The following BTBD9 variants were observed in gnomAD, a reference collection of about 807,000 sequenced individuals.
BTBD9 encodes BTB domain containing 9.
Under a neutral mutation model 64.3 loss-of-function variants are expected in BTBD9, and 49 were observed. The ratio of observed to expected loss-of-function variants is 0.76; its 90% CI spans 0.61 to 0.97. The LOEUF (loss-of-function observed/expected upper bound fraction) is 0.97, where lower values mean the gene tolerates loss of function less well. Ranked by LOEUF, BTBD9 falls within the 50% of genes least tolerant of loss-of-function variation. The pLI, the probability that BTBD9 is intolerant of heterozygous loss-of-function variation, is 0.00. For missense variants in BTBD9, 598 were observed against 762.1 expected, an observed-to-expected ratio of 0.78 and a Z score of 2.53; for synonymous variants, 260 against 274.7, an observed-to-expected ratio of 0.95 and a Z score of 0.53.
At chr6:38,261,768 C>A (rs770456574) in intron 8 of BTBD9, among the ~76,000 whole-genome samples, 2 of 152,198 alleles carry the variant, frequency 1.3e-5, no homozygotes, top group Non-Finnish European at 2.9e-5. Context: ...GACATCCTCT[C>A]TCTAGTCCTC....
intron 8 of BTBD9, among the ~76,000 whole-genome samples, chr6:38,265,247 G>A (rs1025896190): frequency 1.3e-5 from 2 of 152,052 alleles, no homozygotes; most frequent in East Asian, 3.9e-4. Context: ...TGGCTCCACT[G>A]TGTAGGCTGG....
chr6:38,545,855 TAC>T (rs34465570), intron 6 of BTBD9, among the ~76,000 whole-genome samples: 9,856 of 130,426 alleles, frequency 0.076, 323 homozygotes, highest in African/African-American at 0.11. Flanking sequence ...CACACACACA[TAC>T]ACACACACAC....
chr6:38,219,927 G>A (rs1763142289), intron 9 of BTBD9, among the ~76,000 whole-genome samples: 1 of 152,302 alleles, frequency 6.6e-6, no homozygotes, highest in South Asian at 2.1e-4. Flanking sequence ...TGGTATATCA[G>A]TAATATTTCA....
chr6:38,244,067 C>T (rs1320228495), intron 9 of BTBD9, among the ~76,000 whole-genome samples: 1 of 152,122 alleles, frequency 6.6e-6, no homozygotes, highest in Non-Finnish European at 1.5e-5. Flanking sequence ...AAGATCAAAA[C>T]GACCATGCCT....
chr6:38,502,520 A>T (rs927139223), intron 6 of BTBD9, among the ~76,000 whole-genome samples: 3 of 152,214 alleles, frequency 2.0e-5, no homozygotes, highest in Admixed American at 2.0e-4. Flanking sequence ...TGCTAAGGGA[A>T]GAGGACTCTG....
In BTBD9 at chr6:38,561,453, C is replaced by T. The variant is rs144459990; in HGVS notation, c.1154+16147G>A. Among the ~76,000 whole-genome samples the T allele has an allele frequency of 4.5e-3, 689 of 151,912 alleles. 3 individuals carry two copies. Among genetic ancestry groups the T allele is most frequent in the African/African-American group, 0.016 (650 of 41,406 alleles). ...GGAATCCCTTTATTTGTTATAGACCCAAAGGAAAATAAATTGTTTTACAAA... is the reference window on the plus strand; with the variant it reads ...GGAATCCCTTTATTTGTTATAGACCTAAAGGAAAATAAATTGTTTTACAAA... On this transcript the variant is annotated intron_variant, in intron 6 of 10. Transcript: ENST00000481247.
At chr6:38,208,655 A>T (rs1314190622) in intron 9 of BTBD9, among the ~76,000 whole-genome samples, 1 of 151,956 alleles carries the variant, frequency 6.6e-6, no homozygotes. Context: ...TAAAGTGGAG[A>T]CTCAGTGTGC....
intron 6 of BTBD9, among the ~76,000 whole-genome samples, chr6:38,422,629 A>C (rs1236826035): frequency 6.6e-6 from 1 of 152,196 alleles, no homozygotes; most frequent in East Asian, 1.9e-4. Context: ...ACAGGGATCT[A>C]ACATTCTAAG....
intron 4 of BTBD9, chr6:38,587,536 G>T (rs562295363): frequency 3.5e-6 from 2 of 569,966 alleles, no homozygotes; most frequent in Admixed American, 2.2e-5. Context: ...AACAATTTTT[G>T]ATAGTTCTGA....
chr6:38,281,822 T>C (rs1327754600), intron 8 of BTBD9, among the ~76,000 whole-genome samples: 1 of 152,238 alleles, frequency 6.6e-6, no homozygotes, highest in Non-Finnish European at 1.5e-5. Flanking sequence ...TATTATTTGT[T>C]ATTTAAAATA....
chr6:38,594,350 A>G (rs767568538), intron 2 of BTBD9, 23 bp from the exon 3 acceptor site: 52 of 1,557,474 alleles, frequency 3.3e-5, no homozygotes, highest in Non-Finnish European at 4.3e-5. Context: ...GAAGAAACAC[A>G]TGAAGAAACC....
chr6:38,428,765 T>C (rs922623898), intron 6 of BTBD9, among the ~76,000 whole-genome samples: 1 of 149,670 alleles, frequency 6.7e-6, no homozygotes. Context: ...CAGGCTGGAG[T>C]GCAGTGGCGC....
chr6:38,600,801 A>G (rs1777214058), intron 1 of BTBD9, among the ~76,000 whole-genome samples: 1 of 152,210 alleles, frequency 6.6e-6, no homozygotes, highest in African/African-American at 2.4e-5. Context: ...ATAAACATTA[A>G]TATTACATAT....
intron 6 of BTBD9, among the ~76,000 whole-genome samples, chr6:38,575,331 T>A (rs1775977010): frequency 6.6e-6 from 1 of 152,118 alleles, no homozygotes; most frequent in African/African-American, 2.4e-5. Flanking sequence ...GCAAGAATAA[T>A]AAAAGATTAG....
chr6:38,410,241 C>T (rs533677827), intron 6 of BTBD9, among the ~76,000 whole-genome samples: 19 of 151,632 alleles, frequency 1.3e-4, no homozygotes, highest in African/African-American at 3.1e-4. Context: ...GAGGCTGAGG[C>T]GGGAGGATCA....
intron 6 of BTBD9, among the ~76,000 whole-genome samples, chr6:38,453,632 C>A (rs558144070): frequency 6.6e-6 from 1 of 152,038 alleles, no homozygotes; most frequent in Non-Finnish European, 1.5e-5. Flanking sequence ...AGCAACACCC[C>A]CCTGAGGACA....
chr6:38,222,473 A>C lies in BTBD9; in HGVS notation c.1563-29876T>G, dbSNP rs1582073920. Among the ~76,000 whole-genome samples, 6 of 151,882 alleles carry C rather than the reference A, an allele frequency of 4.0e-5. No individual in the cohort carries two copies. In the South Asian group the frequency reaches 1.3e-3, roughly 32 times the overall value. On this transcript the variant is annotated intron_variant, in intron 9 of 10. Coordinates refer to ENST00000481247, the MANE Select transcript of BTBD9 (RefSeq NM_001099272.2). ...ACGGGGTTTCACCGTGTTAGCCAGG[A>C]TGGTCTCGATCTCCTGACCTCGTGA...
intron 5 of BTBD9, among the ~76,000 whole-genome samples, chr6:38,579,623 C>T (rs576733260): frequency 1.3e-5 from 2 of 152,118 alleles, no homozygotes; most frequent in African/African-American, 2.4e-5. Context: ...TACTTATCTA[C>T]ACACTAAAAG....
At chr6:38,534,361 A>G (rs1582591560) in intron 6 of BTBD9, among the ~76,000 whole-genome samples, 2 of 151,978 alleles carry the variant, frequency 1.3e-5, no homozygotes, top group South Asian at 2.1e-4. Context: ...AAGTAATGCA[A>G]TCAAACCCAT....
Sources: allele counts gnomAD v4.1 joint callset (sites outside exome capture counted in the v4.1 genomes callset), GRCh38; gene constraint gnomAD v4.1.1; transcripts MANE v1.5; gene names NCBI Gene and HGNC (gene_info 2026-07-23, HGNC 2026-07-21).